MCHR2: variants seen among roughly 807,000 people sequenced by gnomAD.
MCHR2 encodes the protein melanin concentrating hormone receptor 2.
A neutral mutation model predicts 24.8 loss-of-function variants in MCHR2; 15 were observed. That is an observed-to-expected ratio of 0.60 (90% confidence interval 0.40 to 0.93). The LOEUF (loss-of-function observed/expected upper bound fraction) is 0.93. MCHR2 is among the 40% of genes least tolerant of loss of function. The pLI, the probability that MCHR2 is intolerant of heterozygous loss-of-function variation, is 0.00. For synonymous variants in MCHR2, 151 were observed against 147.6 expected (o/e 1.02, Z -0.17); for missense variants, 386 against 408.7 (o/e 0.94, Z 0.48).
At chr6:99,946,547 T>G (rs1774874585) in intron 3 of MCHR2, among the ~76,000 whole-genome samples, 1 of 152,026 alleles carries the variant, frequency 6.6e-6, no homozygotes, top group Non-Finnish European at 1.5e-5. Flanking sequence ...TTCAAGACAT[T>G]CATTCATTCA....
At chr6:99,956,198 T>C (rs779527341) in intron 1 of MCHR2, 24 bp from the exon 2 acceptor site, 4 of 1,447,544 alleles carry the variant, frequency 2.8e-6, no homozygotes, top group Non-Finnish European at 3.7e-6. Context: ...GGAAGTGATT[T>C]ATTTAGTGAA....
intron 4 of MCHR2, among the ~76,000 whole-genome samples, chr6:99,936,631 C>A (rs990405231): frequency 2.0e-5 from 3 of 151,982 alleles, no homozygotes; most frequent in Non-Finnish European, 4.4e-5. Context: ...CATGATGCCT[C>A]TAGCTTTGTT....
chr6:99,960,977 A>C (rs537904748), intron 1 of MCHR2, among the ~76,000 whole-genome samples: 1 of 152,308 alleles, frequency 6.6e-6, no homozygotes, highest in Admixed American at 6.5e-5. Context: ...AAGATTGACA[A>C]ATGGGATTTA....
chr6:99,930,868 T>C (rs1363943918), intron 5 of MCHR2, among the ~76,000 whole-genome samples: 2 of 152,252 alleles, frequency 1.3e-5, no homozygotes, highest in African/African-American at 4.8e-5. Flanking sequence ...TCCAGCTTTG[T>C]TCCATTGCTG....
intron 1 of MCHR2, among the ~76,000 whole-genome samples, chr6:99,958,425 A>G (rs1261448696): frequency 1.3e-5 from 2 of 151,920 alleles, no homozygotes; most frequent in African/African-American, 4.8e-5. Flanking sequence ...CTTAAAAACA[A>G]ATGTAAAAGG....
chr6:99,954,969 C>A (rs926319867), intron 2 of MCHR2, among the ~76,000 whole-genome samples: 2 of 152,118 alleles, frequency 1.3e-5, no homozygotes, highest in Non-Finnish European at 2.9e-5. Context: ...TATGCATATA[C>A]AAACAGCACA....
At chr6:99,970,448 A>G (rs922798772) in intron 1 of MCHR2, among the ~76,000 whole-genome samples, 4 of 151,974 alleles carry the variant, frequency 2.6e-5, no homozygotes, top group Admixed American at 6.6e-5. Flanking sequence ...TTCATTGTAG[A>G]TTCTGGATAT....
At chr6:99,928,844 C>T (rs1389563351) in intron 5 of MCHR2, among the ~76,000 whole-genome samples, 1 of 152,102 alleles carries the variant, frequency 6.6e-6, no homozygotes, top group Non-Finnish European at 1.5e-5. Flanking sequence ...TCCTTCAGTT[C>T]TGCTCTGATT....
chr6:99,990,531 G>A (rs1017375539), intron 1 of MCHR2, among the ~76,000 whole-genome samples: 6 of 152,066 alleles, frequency 3.9e-5, no homozygotes, highest in African/African-American at 1.4e-4. Flanking sequence ...AAAAATGTAT[G>A]TTAATTAAGT....
chr6:99,942,845 A>G (rs1159407686), intron 4 of MCHR2, 104 bp downstream of exon 4: 1 of 870,138 alleles, frequency 1.1e-6, no homozygotes. Context: ...TGGCGAGAAG[A>G]GGATCCATAA....
At chr6:99,974,116 G>T (rs1186420142) in intron 1 of MCHR2, among the ~76,000 whole-genome samples, 1 of 152,182 alleles carries the variant, frequency 6.6e-6, no homozygotes, top group African/African-American at 2.4e-5. Flanking sequence ...TGCCTTGCTA[G>T]ATTGGGGAAG....
At chr6:99,971,898 C>A (rs919186631) in intron 1 of MCHR2, among the ~76,000 whole-genome samples, 4 of 152,148 alleles carry the variant, frequency 2.6e-5, no homozygotes, top group African/African-American at 9.7e-5. Context: ...GCCTTGCATC[C>A]CAGGGATGAA....
At chr6:99,969,236 G>A (rs187122227) in intron 1 of MCHR2, among the ~76,000 whole-genome samples, 80 of 152,192 alleles carry the variant, frequency 5.3e-4, no homozygotes, top group African/African-American at 1.8e-3. Context: ...AGCACTTTGG[G>A]AGGCTGAGGC....
chr6:99,933,429 G>A (rs1200558255), intron 5 of MCHR2, among the ~76,000 whole-genome samples: 1 of 152,016 alleles, frequency 6.6e-6, no homozygotes, highest in Non-Finnish European at 1.5e-5. Context: ...AGCTCCCTGG[G>A]ATACATTTAT....
At chr6:99,932,605 A>C (rs1243699018) in intron 5 of MCHR2, among the ~76,000 whole-genome samples, 1 of 152,118 alleles carries the variant, frequency 6.6e-6, no homozygotes, top group Non-Finnish European at 1.5e-5. Context: ...TACTGTGATG[A>C]GAAGAGTTGA....
chr6:99,938,391 G>T (rs998322724), intron 4 of MCHR2, among the ~76,000 whole-genome samples: 20 of 151,964 alleles, frequency 1.3e-4, no homozygotes, highest in African/African-American at 4.6e-4. Context: ...TTGGTATGTT[G>T]TATTTCAACT....
chr6:99,961,492 G>A lies in MCHR2; in HGVS notation c.-27-5318C>T, dbSNP rs185964944. 7.2e-5 allele frequency among the ~76,000 whole-genome samples: 11 copies of A among 152,242 alleles called. No individual in the cohort carries two copies. In the East Asian group the frequency reaches 2.1e-3, roughly 29 times the overall value. On this transcript the variant is annotated intron_variant, in intron 1 of 5. Transcript: ENST00000281806. ...TCAAGGATAGACTGGATTAAGAAAT[G>A]TGGCACATATACACCATGGAATACT... is the stretch of plus-strand genomic sequence containing the variant.
Position 99,952,794 on chromosome 6 carries a change from T to A in MCHR2, c.182+3172A>T, listed in dbSNP as rs72938060. Among the ~76,000 whole-genome samples, 13 of 152,268 alleles carry A rather than the reference T, an allele frequency of 8.5e-5. No homozygotes were observed. In the South Asian group the frequency reaches 1.5e-3, roughly 17 times the overall value. On this transcript the variant is annotated intron_variant, in intron 2 of 5. Coordinates refer to ENST00000281806, the MANE Select transcript of MCHR2 (RefSeq NM_001040179.2). Reference sequence around the variant, plus strand: ...CCATGTGCAAGGAAAAGTGTTAAAATCTTAGCAAAAAAATTAAAACTGTTG... The same window carrying A: ...CCATGTGCAAGGAAAAGTGTTAAAAACTTAGCAAAAAAATTAAAACTGTTG...
chr6:99,945,373 G>A (rs1352958219), intron 3 of MCHR2, among the ~76,000 whole-genome samples: 2 of 152,156 alleles, frequency 1.3e-5, no homozygotes, highest in Non-Finnish European at 2.9e-5. Flanking sequence ...ACTAATGAAA[G>A]TCTAGGTAGC....
Sources: gnomAD v4.1 joint callset for allele counts (sites outside exome capture counted in the v4.1 genomes callset) on GRCh38, gnomAD v4.1.1 for gene constraint, MANE v1.5 for transcripts, NCBI Gene and HGNC (gene_info 2026-07-23, HGNC 2026-07-21) for gene names.